MKS1: variants seen among roughly 807,000 people sequenced by gnomAD.
The protein encoded by MKS1 is MKS transition zone complex subunit 1.
MKS1 carries 70 observed loss-of-function variants against 83.7 expected under a neutral mutation model. That is an observed-to-expected ratio of 0.84 (90% CI 0.69 to 1.02). The LOEUF (loss-of-function observed/expected upper bound fraction) is 1.02, where lower values mean the gene tolerates loss of function less well. Ranked by LOEUF, MKS1 falls within the 50% of genes least tolerant of loss-of-function variation. The pLI, the probability that MKS1 is intolerant of heterozygous loss-of-function variation, is 0.00. For synonymous variants in MKS1, 251 were observed against 273.4 expected (o/e 0.92, Z 0.81); for missense variants, 681 against 726.9 (o/e 0.94, Z 0.73).
At position 58,214,379 on chromosome 17, in the gene MKS1, C is replaced by A. The variant is rs527350238; in HGVS notation, c.524G>T (p.Gly175Val). 2 of 1,613,176 alleles carry A rather than the reference C, an allele frequency of 1.2e-6. No homozygotes were observed. Among genetic ancestry groups the A allele is most frequent in the Admixed American group, 3.3e-5 (2 of 60,026 alleles). ...GGTGACGATGCGTGACTTGAGGATG[C>A]CGCCCTCCCTGGGAGACACCACAGA... ...RRQDRRGMEG[G>V]ILKSRIVTWE... Residue 175 changes from glycine to valine, a missense_variant, in exon 6 of 18, where the codon GGC becomes GTC. Physicochemically the swap from Gly to Val is moderately radical, Grantham distance 109. This residue lies in a region of MKS1 where 365 missense variants were observed against 383.8 expected (regional missense o/e 0.95). Coordinates refer to ENST00000393119, the MANE Select transcript of MKS1 (RefSeq NM_017777.4).
At chr17:58,215,395 G>A (rs887773634) in intron 4 of MKS1, among the ~76,000 whole-genome samples, 1 of 152,110 alleles carries the variant, frequency 6.6e-6, no homozygotes, top group African/African-American at 2.4e-5. Flanking sequence ...ACGTAGCCGG[G>A]ACTACAGGTA....
intron 2 of MKS1, among the ~76,000 whole-genome samples, chr17:58,217,837 AAATCT>A (rs1402148986): frequency 2.0e-5 from 3 of 152,150 alleles, no homozygotes; most frequent in Admixed American, 2.0e-4. Context: ...CAAAGAAAAC[AAATCT>A]AATCTAATAC....
At chr17:58,218,215 A>T (rs892071791) in intron 2 of MKS1, among the ~76,000 whole-genome samples, 13 of 152,026 alleles carry the variant, frequency 8.6e-5, no homozygotes, top group Admixed American at 5.9e-4. Flanking sequence ...TTGGGAGGCC[A>T]AGGCGGGCGG....
At chr17:58,210,603 T>C (rs201193961) in intron 11 of MKS1, 56 bp downstream of exon 11, 1,121 of 1,509,740 alleles carry the variant, frequency 7.4e-4, no homozygotes, top group Non-Finnish European at 9.7e-4. Flanking sequence ...CCTGACCAAA[T>C]GCCTCTAGAT....
In MKS1 at chr17:58,212,390, G is replaced by C. The variant is rs142805406; in HGVS notation, c.903C>G (p.Thr301=). 1.2e-6 allele frequency: 2 copies of C among 1,614,024 alleles called. No homozygotes were observed. The highest frequency in any genetic ancestry group is 1.7e-6 in the Non-Finnish European group (2 of 1,180,036). ...CCAAGCTACTCACCATCTCAAAGTCGGTGCCTACGAGGCTGCTGAGATACT... is the reference window on the plus strand; with the variant it reads ...CCAAGCTACTCACCATCTCAAAGTCCGTGCCTACGAGGCTGCTGAGATACT... ...HKEYLSSLVG[T]DFEMTVPGAL... Residue 301 remains threonine (T), a synonymous_variant, in exon 9 of 18, where the codon ACC becomes ACG. Coordinates refer to ENST00000393119, the MANE Select transcript of MKS1 (RefSeq NM_017777.4).
chr17:58,213,147 G>A (rs1351857863), intron 7 of MKS1, 57 bp from the exon 8 acceptor site: 4 of 1,531,530 alleles, frequency 2.6e-6, no homozygotes, highest in Non-Finnish European at 2.7e-6. Flanking sequence ...TGGGCCCTGG[G>A]ATAGCTCCCA....
chr17:58,210,797 G>A, intron 10 of MKS1, 73 bp from the exon 11 acceptor site: 1 of 1,492,698 alleles, frequency 6.7e-7, no homozygotes, highest in Non-Finnish European at 9.3e-7. Context: ...ATCCTGAGGG[G>A]CCTACACACC....
At chr17:58,218,426 G>A (rs531623790) in intron 2 of MKS1, 194 bp downstream of exon 2, 1 of 432,068 alleles carries the variant, frequency 2.3e-6, no homozygotes, top group Admixed American at 4.1e-5. Context: ...TCAGCCTGGG[G>A]GAAAGAGCAA....
At position 58,206,037 on chromosome 17, in the gene MKS1, C is replaced by T. The variant is rs773809071; in HGVS notation, c.*42G>A. On this transcript the variant is annotated 3_prime_UTR_variant, in exon 18 of 18. Transcript: ENST00000393119. ...AGGAGAGCACTGGCCTCAGATATCC[C>T]CCATCTTGTCCTCTTGCACTGTGGG... 6.3e-7 allele frequency: 1 copy of T among 1,579,218 alleles called. No individual in the cohort carries two copies. The highest frequency in any genetic ancestry group is 8.6e-7 in the Non-Finnish European group (1 of 1,163,764).
chr17:58,206,922 C>G, intron 15 of MKS1, 163 bp downstream of exon 15: 3 of 966,142 alleles, frequency 3.1e-6, no homozygotes, highest in Non-Finnish European at 4.9e-6. Flanking sequence ...GATATTGGAA[C>G]CTGATTCAAA....
intron 11 of MKS1, among the ~76,000 whole-genome samples, 153 bp from the exon 12 acceptor site, chr17:58,208,736 G>A (rs1330899101): frequency 1.3e-5 from 2 of 151,782 alleles, no homozygotes; most frequent in African/African-American, 4.8e-5. Flanking sequence ...AGGGTCATAG[G>A]ATAATAGTGG....
intron 14 of MKS1, 128 bp downstream of exon 14, chr17:58,207,766 G>A: frequency 1.1e-6 from 1 of 925,552 alleles, no homozygotes; most frequent in South Asian, 1.4e-5. Flanking sequence ...AGAGGAACAG[G>A]AACTCTTTCA....
At chr17:58,208,710 G>C in intron 11 of MKS1, 127 bp from the exon 12 acceptor site, 2 of 882,968 alleles carry the variant, frequency 2.3e-6, no homozygotes, top group Non-Finnish European at 1.8e-6. Context: ...GTGTTTCTCG[G>C]AGAGGGGGAT....
At chr17:58,216,328 T>A in intron 3 of MKS1, 85 bp from the exon 4 acceptor site, 1 of 1,428,730 alleles carries the variant, frequency 7.0e-7, no homozygotes, top group Middle Eastern at 1.9e-4. Flanking sequence ...ATCAAATCAG[T>A]TCTACAGAAC....
rs1555597681 is a variant in MKS1 at position 58,207,963 on chromosome 17, G to A, written c.1204C>T (p.Leu402Phe). The part of the protein sequence containing the change: ...PEWPVLYCEV[L>F]SLDFWQRYRV... ...TACCTCTGCCAGAAGTCCAGCGAGAGGACCTCACAGTAGAGCACAGGCCAC... is the reference window on the plus strand; with the variant it reads ...TACCTCTGCCAGAAGTCCAGCGAGAAGACCTCACAGTAGAGCACAGGCCAC... Residue 402 changes from leucine to phenylalanine, a missense_variant, in exon 14 of 18, where the codon CTC (leucine) becomes TTC (phenylalanine). This residue lies in a region of MKS1 where 310 missense variants were observed against 321.7 expected (regional missense o/e 0.96). Transcript: ENST00000393119. 2 of 1,614,122 alleles carry A rather than the reference G, an allele frequency of 1.2e-6. No homozygotes were observed. Among genetic ancestry groups the A allele is most frequent in the Non-Finnish European group, 8.5e-7 (1 of 1,180,026 alleles).
chr17:58,208,618 T>C (rs1968678490), intron 11 of MKS1, 35 bp from the exon 12 acceptor site: 1 of 1,592,078 alleles, frequency 6.3e-7, no homozygotes, highest in Non-Finnish European at 8.6e-7. Context: ...TAAGCTCGCC[T>C]GGGAGGAAAG....
Position 58,210,738 on chromosome 17 carries a change from C to T in MKS1, c.959-14G>A, listed in dbSNP as rs1307324632. 2 of 1,613,626 alleles carry T rather than the reference C, an allele frequency of 1.2e-6. No homozygotes were observed. Among genetic ancestry groups the T allele is most frequent in the Non-Finnish European group, 1.7e-6 (2 of 1,179,712 alleles). On this transcript the variant is annotated splice_polypyrimidine_tract_variant and intron_variant, in intron 10 of 17. Coordinates refer to ENST00000393119, the MANE Select transcript of MKS1 (RefSeq NM_017777.4). ...CTTGGGCTGAAACTACGAGAGAAAA[C>T]AGGAAGCTATTTTAGCTTTTTCTCC...
At chr17:58,218,529 G>T in intron 2 of MKS1, 91 bp downstream of exon 2, 1 of 704,358 alleles carries the variant, frequency 1.4e-6, no homozygotes, top group Non-Finnish European at 2.4e-6. Context: ...CATATCAGAA[G>T]TATAGTATTT....
chr17:58,212,341 C>T (rs564970394), intron 9 of MKS1, 37 bp downstream of exon 9: 10 of 1,611,892 alleles, frequency 6.2e-6, no homozygotes, highest in Non-Finnish European at 8.5e-6. Context: ...TCCGGCTAAA[C>T]ACAGCTCACA....
Sources: gnomAD v4.1 joint callset for allele counts (sites outside exome capture counted in the v4.1 genomes callset) on GRCh38, gnomAD v4.1.1 for gene constraint, gnomAD v4.1.1 regional missense constraint, MANE v1.5 for transcripts, NCBI Gene and HGNC (gene_info 2026-07-23, HGNC 2026-07-21) for gene names.